Variants in NEDD4L observed in about 807,000 individuals in gnomAD.
NEDD4L encodes the protein NEDD4 like E3 ubiquitin protein ligase, also known as E3 ubiquitin-protein ligase NEDD4-like.
In NEDD4L, 54 loss-of-function variants were observed where a neutral mutation model predicts 148.9. The observed-to-expected ratio is 0.36, with a 90% CI of 0.29 to 0.45. NEDD4L has a LOEUF of 0.45. Ranked by LOEUF, NEDD4L falls within the 20% of genes least tolerant of loss-of-function variation. The probability of loss-of-function intolerance (pLI) is 1.00; values close to 1 mark genes in which losing one functional copy is unlikely to be tolerated. For missense variants in NEDD4L, 856 were observed against 1,233.8 expected (o/e 0.69, Z 4.59); for synonymous variants, 433 against 440.7 (o/e 0.98, Z 0.22).
At chr18:58,209,002 T>C (rs1248134400) in intron 2 of NEDD4L, among the ~76,000 whole-genome samples, 1 of 151,994 alleles carries the variant, frequency 6.6e-6, no homozygotes, top group Non-Finnish European at 1.5e-5. Flanking sequence ...CAGTGGGAAT[T>C]TTTTTGTTTG....
At position 58,392,867 on chromosome 18, in the gene NEDD4L, C is replaced by T. The variant is rs112594755; in HGVS notation, c.2825+1308C>T. 5.3e-3 allele frequency among the ~76,000 whole-genome samples: 810 copies of T among 152,228 alleles called. 9 individuals carry two copies. Among genetic ancestry groups the T allele is most frequent in the African/African-American group, 0.019 (781 of 41,530 alleles). On this transcript the variant is annotated intron_variant, in intron 30 of 30. Coordinates refer to ENST00000400345, the MANE Select transcript of NEDD4L (RefSeq NM_001144967.3). ...TAACCAGGATGAAGATTAGGAAAAG[C>T]GAAATTATTGGGCACAGTCATCATC...
chr18:58,354,064 G>A (rs1237522923), intron 18 of NEDD4L, among the ~76,000 whole-genome samples: 1 of 152,146 alleles, frequency 6.6e-6, no homozygotes, highest in Non-Finnish European at 1.5e-5. Context: ...ACGAATGATC[G>A]AGACTAACCT....
chr18:58,297,204 A>G (rs1016357265), intron 5 of NEDD4L, among the ~76,000 whole-genome samples: 1 of 152,230 alleles, frequency 6.6e-6, no homozygotes, highest in East Asian at 1.9e-4. Context: ...TTTTCATGTA[A>G]GGTAACATTG....
chr18:58,094,600 C>G (rs1018434681), intron 1 of NEDD4L, among the ~76,000 whole-genome samples: 2 of 152,204 alleles, frequency 1.3e-5, no homozygotes, highest in Non-Finnish European at 2.9e-5. Context: ...TGGAATACCC[C>G]CATTCTCCCA....
chr18:58,355,975 C>T (rs9949716), intron 18 of NEDD4L, among the ~76,000 whole-genome samples: 1,693 of 152,086 alleles, frequency 0.011, 31 homozygotes, highest in African/African-American at 0.039. Flanking sequence ...TCCCCCGCCC[C>T]GGTCCCCAAG....
intron 2 of NEDD4L, among the ~76,000 whole-genome samples, 153 bp from the exon 3 acceptor site, chr18:58,245,274 A>G (rs1333104317): frequency 6.6e-6 from 1 of 152,210 alleles, no homozygotes; most frequent in Non-Finnish European, 1.5e-5. Flanking sequence ...AAGTGTATTG[A>G]CTTAGTAGAT....
intron 1 of NEDD4L, among the ~76,000 whole-genome samples, chr18:58,114,013 A>T (rs499661): frequency 6.6e-6 from 1 of 152,026 alleles, no homozygotes; most frequent in Admixed American, 6.5e-5. Flanking sequence ...TACCAGCCGC[A>T]GGGCACTTTG....
In NEDD4L at chr18:58,385,549, T is replaced by A; in HGVS notation, c.2450T>A (p.Val817Glu). 6.2e-7 allele frequency: 1 copy of A among 1,613,944 alleles called. No individual in the cohort carries two copies. Among genetic ancestry groups the A allele is most frequent in the Non-Finnish European group, 8.5e-7 (1 of 1,179,798 alleles). The part of the protein sequence containing the change: ...YIDLVIQWRF[V>E]NRVQKQMNAF... Reference sequence around the variant, plus strand: ...AGCTTAGTCATCCAGTGGAGATTTGTGAACAGGGTCCAGAAGCAGATGAAC... The same window carrying A: ...AGCTTAGTCATCCAGTGGAGATTTGAGAACAGGGTCCAGAAGCAGATGAAC... The change falls in exon 26 of 31, where the codon GTG becomes GAG. Residue 817 changes from valine to glutamate, a missense_variant. Val to Glu is a moderately radical substitution (Grantham distance 121, BLOSUM62 -2). This residue lies in a region of NEDD4L where 286 missense variants were observed against 531.8 expected (regional missense o/e 0.54). Coordinates refer to ENST00000400345, the MANE Select transcript of NEDD4L (RefSeq NM_001144967.3).
intron 20 of NEDD4L, 101 bp downstream of exon 20, chr18:58,364,434 C>A: frequency 1.5e-6 from 1 of 683,368 alleles, no homozygotes; most frequent in South Asian, 1.9e-5. Flanking sequence ...TATATGAATG[C>A]TAAAAATATT....
At chr18:58,144,554 A>G (rs2033902982) in intron 1 of NEDD4L, among the ~76,000 whole-genome samples, 1 of 152,112 alleles carries the variant, frequency 6.6e-6, no homozygotes, top group African/African-American at 2.4e-5. Context: ...CCTTAAGGGG[A>G]TCTTACCTCT....
chr18:58,297,289 G>A (rs1013687652), intron 5 of NEDD4L, among the ~76,000 whole-genome samples: 1 of 152,100 alleles, frequency 6.6e-6, no homozygotes, highest in African/African-American at 2.4e-5. Flanking sequence ...TTACAACAAG[G>A]ATGGGGCAGC....
intron 19 of NEDD4L, among the ~76,000 whole-genome samples, chr18:58,361,433 A>G (rs866370563): frequency 1.1e-4 from 16 of 152,328 alleles, no homozygotes; most frequent in African/African-American, 3.8e-4. Flanking sequence ...GTTGTGTAAC[A>G]CTTTCATTTT....
intron 11 of NEDD4L, among the ~76,000 whole-genome samples, chr18:58,332,525 G>A (rs2041129970): frequency 6.6e-6 from 1 of 152,150 alleles, no homozygotes; most frequent in Non-Finnish European, 1.5e-5. Flanking sequence ...GGGTGCACCT[G>A]TAGTTCCAGT....
chr18:58,387,388 T>G, intron 26 of NEDD4L, 51 bp from the exon 27 acceptor site: 1 of 1,485,368 alleles, frequency 6.7e-7, no homozygotes, highest in Middle Eastern at 1.8e-4. Context: ...TGTGAAATTT[T>G]TTTTTTTTGA....
chr18:58,390,477 G>C (rs541862059), intron 28 of NEDD4L, 169 bp from the exon 29 acceptor site: 2 of 535,208 alleles, frequency 3.7e-6, no homozygotes, highest in South Asian at 3.0e-5. Flanking sequence ...TCTTAGATTA[G>C]AGAGGCCAGC....
At chr18:58,205,068 TC>T (rs1462303153) in intron 2 of NEDD4L, among the ~76,000 whole-genome samples, 3 of 152,254 alleles carry the variant, frequency 2.0e-5, no homozygotes. Context: ...ATACATTTTA[TC>T]CATAACCATA....
At chr18:58,062,845 G>A (rs769788288) in intron 1 of NEDD4L, among the ~76,000 whole-genome samples, 8 of 151,822 alleles carry the variant, frequency 5.3e-5, no homozygotes, top group Non-Finnish European at 7.4e-5. Context: ...AAAATTAGCC[G>A]GGCCTTGTGA....
At chr18:58,117,034 C>T (rs1295581867) in intron 1 of NEDD4L, among the ~76,000 whole-genome samples, 2 of 152,220 alleles carry the variant, frequency 1.3e-5, no homozygotes, top group African/African-American at 4.8e-5. Context: ...AAGAAAGCGG[C>T]AGCTCTTAAC....
chr18:58,385,633 G>A (rs1249425018), intron 26 of NEDD4L, 47 bp downstream of exon 26: 1 of 1,449,824 alleles, frequency 6.9e-7, no homozygotes. Flanking sequence ...TCTGGTCCCG[G>A]GTCGATGGGG....
Sources: gnomAD v4.1 joint callset for allele counts (sites outside exome capture counted in the v4.1 genomes callset) on GRCh38, gnomAD v4.1.1 for gene constraint, gnomAD v4.1.1 regional missense constraint, MANE v1.5 for transcripts, NCBI Gene and HGNC (gene_info 2026-07-23, HGNC 2026-07-21) for gene names.